Variants in RALYL observed in about 807,000 individuals in gnomAD.
RALYL encodes RNA-binding Raly-like protein.
A neutral mutation model predicts 35.1 loss-of-function variants in RALYL; 29 were observed. The observed-to-expected ratio is 0.83, with a 90% CI of 0.61 to 1.13. The LOEUF (loss-of-function observed/expected upper bound fraction) is 1.13. Ranked by LOEUF, RALYL falls within the 50% of genes most tolerant of loss-of-function variation. The pLI, the probability that RALYL is intolerant of heterozygous loss-of-function variation, is 0.00. For missense variants in RALYL, 359 were observed against 360.4 expected, an observed-to-expected ratio of 1.00 and a Z score of 0.03; for synonymous variants, 120 against 127.6, an observed-to-expected ratio of 0.94 and a Z score of 0.40.
At chr8:84,661,380 G>A (rs886972401) in intron 2 of RALYL, among the ~76,000 whole-genome samples, 1 of 151,956 alleles carries the variant, frequency 6.6e-6, no homozygotes, top group African/African-American at 2.4e-5. Flanking sequence ...CAATTTTGCT[G>A]TATAAATTTT....
intron 6 of RALYL, 83 bp downstream of exon 6, chr8:84,862,536 T>A: frequency 2.7e-6 from 3 of 1,116,730 alleles, no homozygotes; most frequent in Non-Finnish European, 3.6e-6. Flanking sequence ...TTCAATAAAT[T>A]AACCAGATAG....
At chr8:84,818,484 A>G (rs1399058747) in intron 4 of RALYL, among the ~76,000 whole-genome samples, 2 of 152,180 alleles carry the variant, frequency 1.3e-5, no homozygotes, top group Non-Finnish European at 2.9e-5. Flanking sequence ...CCTGGGAGAC[A>G]AAGTTGGATG....
Position 84,815,477 on chromosome 8 carries a change from TAA to T in RALYL, c.365+10677_365+10678del, listed in dbSNP as rs1160994359. On this transcript the variant is annotated intron_variant, in intron 4 of 8. Coordinates refer to ENST00000521268, the MANE Select transcript of RALYL (RefSeq NM_173848.7). ...ATAATACTGAATGTTTATATTATTA[TAA>T]ATAAAATATATTTATAAAATACATT... Among the ~76,000 whole-genome samples the T allele has an allele frequency of 1.8e-4, 27 of 148,430 alleles. No homozygotes were observed. In the South Asian group the frequency reaches 5.7e-3, roughly 31 times the overall value.
intron 3 of RALYL, among the ~76,000 whole-genome samples, chr8:84,795,295 ACT>A (rs1821661011): frequency 6.6e-6 from 1 of 152,182 alleles, no homozygotes; most frequent in Non-Finnish European, 1.5e-5. Context: ...AAATATTAAG[ACT>A]CAATGTCTTA....
At chr8:84,407,020 A>C (rs317949) in intron 1 of RALYL, among the ~76,000 whole-genome samples, 110,875 of 135,900 alleles carry the variant, frequency 0.82, 43,747 homozygotes, top group East Asian at 0.96. Context: ...CTCTCTCTCT[A>C]TATATATATA....
At chr8:84,357,370 T>C (rs1172222774) in intron 1 of RALYL, among the ~76,000 whole-genome samples, 2 of 152,076 alleles carry the variant, frequency 1.3e-5, no homozygotes, top group African/African-American at 2.4e-5. Context: ...TTACTGCCTA[T>C]AGCTGTTACA....
chr8:84,652,931 T>C (rs1829155359), intron 2 of RALYL, among the ~76,000 whole-genome samples: 1 of 152,122 alleles, frequency 6.6e-6, no homozygotes, highest in Non-Finnish European at 1.5e-5. Flanking sequence ...ATCAATGTAC[T>C]GGAAAACTAG....
At chr8:84,571,415 G>C (rs1390486066) in intron 2 of RALYL, among the ~76,000 whole-genome samples, 2 of 151,820 alleles carry the variant, frequency 1.3e-5, no homozygotes, top group South Asian at 4.1e-4. Context: ...GGTGTTCATA[G>C]TAGTCTCTGA....
intron 5 of RALYL, among the ~76,000 whole-genome samples, chr8:84,858,103 A>C (rs1263270689): frequency 1.3e-5 from 2 of 152,092 alleles, no homozygotes; most frequent in East Asian, 3.8e-4. Context: ...TATTAAAATT[A>C]ATATTACCAG....
chr8:84,371,101 C>T lies in RALYL; in HGVS notation c.-23-158198C>T, dbSNP rs1855587434. On this transcript the variant is annotated intron_variant, in intron 1 of 8. Transcript: ENST00000521268. ...TTATCCTTATAACCCCATCCTCTTGCTCCTCCTCACGGAAGCCCCAATGAC... is the reference window on the plus strand; with the variant it reads ...TTATCCTTATAACCCCATCCTCTTGTTCCTCCTCACGGAAGCCCCAATGAC... 2.6e-5 allele frequency among the ~76,000 whole-genome samples: 4 copies of T among 151,944 alleles called. No homozygotes were observed. In the South Asian group the frequency reaches 8.3e-4, roughly 31 times the overall value.
chr8:84,412,925 G>A (rs889823216), intron 1 of RALYL, among the ~76,000 whole-genome samples: 1 of 151,842 alleles, frequency 6.6e-6, no homozygotes, highest in African/African-American at 2.4e-5. Context: ...TGACAGCAAA[G>A]TCCTACAGTT....
At chr8:84,387,752 T>C (rs1240776337) in intron 1 of RALYL, among the ~76,000 whole-genome samples, 1 of 151,644 alleles carries the variant, frequency 6.6e-6, no homozygotes, top group Non-Finnish European at 1.5e-5. Context: ...AGAATCTCCT[T>C]CTGCAGTTCC....
chr8:84,830,016 TGGGG>T (rs34806186), intron 4 of RALYL, among the ~76,000 whole-genome samples: 1 of 107,086 alleles, frequency 9.3e-6, no homozygotes, highest in African/African-American at 3.7e-5. Context: ...AGCACTATAC[TGGGG>T]GGGGGGGGGC....
At chr8:84,876,868 A>AAAT (rs1489544701) in intron 7 of RALYL, among the ~76,000 whole-genome samples, 1 of 152,106 alleles carries the variant, frequency 6.6e-6, no homozygotes, top group African/African-American at 2.4e-5. Context: ...TTTCAAAAAT[A>AAAT]AATTAATGTC....
intron 2 of RALYL, among the ~76,000 whole-genome samples, chr8:84,592,200 C>G (rs1202697835): frequency 2.6e-5 from 4 of 152,142 alleles, no homozygotes; most frequent in African/African-American, 9.7e-5. Context: ...ATAACTTGCT[C>G]TGTTTCCATA....
intron 1 of RALYL, among the ~76,000 whole-genome samples, chr8:84,277,764 C>T (rs533183971): frequency 3.9e-5 from 6 of 152,320 alleles, no homozygotes; most frequent in South Asian, 4.1e-4. Context: ...TCTTAAAGAT[C>T]CAAAATGATC....
intron 4 of RALYL, among the ~76,000 whole-genome samples, chr8:84,849,298 G>A (rs1020257741): frequency 6.6e-6 from 1 of 152,008 alleles, no homozygotes; most frequent in Non-Finnish European, 1.5e-5. Context: ...TTAAAGTATT[G>A]AATCCATAGT....
chr8:84,398,570 A>C (rs547070775), intron 1 of RALYL, among the ~76,000 whole-genome samples: 2 of 152,128 alleles, frequency 1.3e-5, no homozygotes, highest in Non-Finnish European at 2.9e-5. Flanking sequence ...TAATCTTTTA[A>C]ACACTTAGCT....
intron 1 of RALYL, among the ~76,000 whole-genome samples, chr8:84,303,711 A>G (rs1009041039): frequency 6.6e-6 from 1 of 152,164 alleles, no homozygotes; most frequent in Admixed American, 6.5e-5. Flanking sequence ...AACTGGTATA[A>G]TTTAATTTCT....
Sources: allele counts gnomAD v4.1 joint callset (sites outside exome capture counted in the v4.1 genomes callset), GRCh38; gene constraint gnomAD v4.1.1; transcripts MANE v1.5; gene names NCBI Gene and HGNC (gene_info 2026-07-23, HGNC 2026-07-21).